Variants in ENOX1 observed in about 807,000 individuals in gnomAD.
ENOX1 encodes the protein candidate growth-related and time keeping constitutive hydroquinone (NADH) oxidase.
In ENOX1, 42 loss-of-function variants were observed where a neutral mutation model predicts 82.5. That is an observed-to-expected ratio of 0.51 (90% CI 0.40 to 0.66). ENOX1 has a LOEUF of 0.66. Among genes scored for constraint, ENOX1 ranks in the 30% least tolerant of loss-of-function variants. ENOX1 has a pLI of 0.00. For synonymous variants in ENOX1, 271 were observed against 282.2 expected (o/e 0.96, Z 0.40); for missense variants, 608 against 811.6 (o/e 0.75, Z 3.05).
chr13:43,703,515 T>C (rs1192891614), intron 1 of ENOX1, among the ~76,000 whole-genome samples: 3 of 152,232 alleles, frequency 2.0e-5, no homozygotes, highest in Non-Finnish European at 2.9e-5. Flanking sequence ...GGGAATGTTA[T>C]ACGCTTATCT....
chr13:43,445,199 C>G (rs1274989341), intron 3 of ENOX1, among the ~76,000 whole-genome samples: 1 of 150,772 alleles, frequency 6.6e-6, no homozygotes, highest in African/African-American at 2.4e-5. Context: ...TCTCGGCTCA[C>G]TGCAAGCTCC....
At chr13:43,361,216 A>G in intron 6 of ENOX1, 63 bp downstream of exon 6, 1 of 1,560,750 alleles carries the variant, frequency 6.4e-7, no homozygotes, top group Non-Finnish European at 8.8e-7. Flanking sequence ...CTGCAATGCC[A>G]TTTTAAAATT....
At chr13:43,250,969 C>T (rs2043420850) in intron 14 of ENOX1, among the ~76,000 whole-genome samples, 1 of 152,164 alleles carries the variant, frequency 6.6e-6, no homozygotes. Flanking sequence ...GTAACACTGG[C>T]ATTATCTGGG....
intron 2 of ENOX1, among the ~76,000 whole-genome samples, chr13:43,642,468 A>G (rs1222295075): frequency 6.6e-6 from 1 of 152,220 alleles, no homozygotes; most frequent in Non-Finnish European, 1.5e-5. Flanking sequence ...AGTTGAAGTA[A>G]TTATTGGGAA....
At chr13:43,527,153 C>T (rs559438938) in intron 2 of ENOX1, among the ~76,000 whole-genome samples, 11 of 151,640 alleles carry the variant, frequency 7.3e-5, no homozygotes, top group South Asian at 4.2e-4. Flanking sequence ...CTAAGACACA[C>T]GGCAAGACAG....
intron 2 of ENOX1, among the ~76,000 whole-genome samples, chr13:43,532,140 A>G (rs936291696): frequency 5.3e-5 from 8 of 152,120 alleles, no homozygotes; most frequent in Admixed American, 2.6e-4. Flanking sequence ...GACTGAATAA[A>G]TAGCTCTGTT....
intron 2 of ENOX1, among the ~76,000 whole-genome samples, chr13:43,657,037 T>A (rs2084468648): frequency 6.6e-6 from 1 of 152,198 alleles, no homozygotes; most frequent in Non-Finnish European, 1.5e-5. Flanking sequence ...GGCATGTGGA[T>A]AATCCACAAA....
At chr13:43,697,578 C>T (rs777509662) in intron 1 of ENOX1, among the ~76,000 whole-genome samples, 2 of 152,112 alleles carry the variant, frequency 1.3e-5, no homozygotes, top group Non-Finnish European at 2.9e-5. Flanking sequence ...CACAGGCTAG[C>T]CATATCAGGA....
intron 5 of ENOX1, among the ~76,000 whole-genome samples, chr13:43,370,149 C>A (rs9594931): frequency 0.27 from 40,912 of 152,016 alleles, 5,894 homozygotes; most frequent in East Asian, 0.49. Flanking sequence ...AGGTGGATCA[C>A]GAAGTCCAGA....
Position 43,574,386 on chromosome 13 carries a change from C to T in ENOX1, c.-218-90234G>A, listed in dbSNP as rs536224149. On this transcript the variant is annotated intron_variant, in intron 2 of 16. Coordinates refer to ENST00000690772, the MANE Select transcript of ENOX1 (RefSeq NM_001347969.2). Reference sequence around the variant, plus strand: ...ATTAGTAAAAGTGCAGTATTGTCAGCGAGTTCTACAAATGAAAGAATCCTT... The same window carrying T: ...ATTAGTAAAAGTGCAGTATTGTCAGTGAGTTCTACAAATGAAAGAATCCTT... Among the ~76,000 whole-genome samples, 5 of 152,208 alleles carry T rather than the reference C, an allele frequency of 3.3e-5. No individual in the cohort carries two copies. The East Asian group carries it at 7.7e-4, about 23-fold the overall frequency.
At chr13:43,740,473 AT>A (rs2089852149) in intron 1 of ENOX1, among the ~76,000 whole-genome samples, 1 of 125,822 alleles carries the variant, frequency 7.9e-6, no homozygotes, top group South Asian at 2.1e-4. Flanking sequence ...ACTTTAAAAC[AT>A]TTTTTATTTT....
intron 14 of ENOX1, among the ~76,000 whole-genome samples, chr13:43,251,769 CCTG>C (rs2153470853): frequency 6.6e-6 from 1 of 152,272 alleles, no homozygotes; most frequent in South Asian, 2.1e-4. Context: ...CTGAATTTGA[CCTG>C]CTGACTCAAG....
chr13:43,325,056 T>G (rs1242182397), intron 10 of ENOX1, among the ~76,000 whole-genome samples: 3 of 152,218 alleles, frequency 2.0e-5, no homozygotes, highest in African/African-American at 7.2e-5. Flanking sequence ...GGACTCCAAT[T>G]TGTGTTTTCA....
intron 9 of ENOX1, among the ~76,000 whole-genome samples, chr13:43,336,197 A>G (rs542840537): frequency 6.6e-6 from 1 of 152,232 alleles, no homozygotes; most frequent in Non-Finnish European, 1.5e-5. Flanking sequence ...TGTTTGGCTG[A>G]GATGTTCCTA....
intron 2 of ENOX1, among the ~76,000 whole-genome samples, chr13:43,657,220 T>C (rs1345658761): frequency 1.3e-5 from 2 of 152,224 alleles, no homozygotes; most frequent in African/African-American, 4.8e-5. Flanking sequence ...AACATTAGTA[T>C]GTATTTAAAC....
At chr13:43,631,321 C>T (rs56673301) in intron 2 of ENOX1, among the ~76,000 whole-genome samples, 1,768 of 152,288 alleles carry the variant, frequency 0.012, 39 homozygotes, top group African/African-American at 0.041. Context: ...GCCAAATTCA[C>T]TCTTGGCCTC....
At chr13:43,336,958 A>G (rs1466058910) in intron 9 of ENOX1, among the ~76,000 whole-genome samples, 1 of 152,232 alleles carries the variant, frequency 6.6e-6, no homozygotes, top group Non-Finnish European at 1.5e-5. Flanking sequence ...GCCATTACCT[A>G]TCACAAATGT....
At chr13:43,531,978 G>A (rs1385485204) in intron 2 of ENOX1, among the ~76,000 whole-genome samples, 1 of 151,618 alleles carries the variant, frequency 6.6e-6, no homozygotes, top group Admixed American at 6.6e-5. Context: ...AATGCTAAAT[G>A]ACGAGTTAAT....
chr13:43,346,229 G>A (rs974248915), intron 8 of ENOX1, among the ~76,000 whole-genome samples: 1 of 152,104 alleles, frequency 6.6e-6, no homozygotes, highest in Admixed American at 6.5e-5. Context: ...TGTGTGTCCT[G>A]AATGAAGGTG....
Sources: gnomAD v4.1 joint callset for allele counts (sites outside exome capture counted in the v4.1 genomes callset) on GRCh38, gnomAD v4.1.1 for gene constraint, MANE v1.5 for transcripts, NCBI Gene and HGNC (gene_info 2026-07-23, HGNC 2026-07-21) for gene names.